ZNF512: variants seen among roughly 807,000 people sequenced by gnomAD.
ZNF512 encodes the protein zinc finger protein 512.
In ZNF512, 25 loss-of-function variants were observed where a neutral mutation model predicts 77.5. That is an observed-to-expected ratio of 0.32 (90% CI 0.23 to 0.45). ZNF512 has a LOEUF of 0.45. Ranked by LOEUF, ZNF512 falls within the 20% of genes least tolerant of loss-of-function variation. ZNF512 has a pLI of 1.00. For synonymous variants in ZNF512, 246 were observed against 239.9 expected (o/e 1.03, Z -0.24); for missense variants, 483 against 692.6 (o/e 0.70, Z 3.40).
chr2:27,593,782 C>CTTT (rs768572545), intron 2 of ZNF512, among the ~76,000 whole-genome samples: 1 of 134,516 alleles, frequency 7.4e-6, no homozygotes, highest in Non-Finnish European at 1.6e-5. Flanking sequence ...TTCTTTCTTT[C>CTTT]TTTTTTTTTT....
At chr2:27,583,629 C>T in intron 1 of ZNF512, 29 bp from the exon 2 acceptor site, 1 of 1,613,618 alleles carries the variant, frequency 6.2e-7, no homozygotes. Context: ...AGGTCCCTAG[C>T]ACTCACTCGT....
intron 9 of ZNF512, among the ~76,000 whole-genome samples, chr2:27,604,067 C>T (rs1006424031): frequency 6.6e-5 from 10 of 152,094 alleles, no homozygotes; most frequent in Admixed American, 2.6e-4. Context: ...GCTGGGATTA[C>T]AGGTGCGTGC....
chr2:27,599,995 G>C lies in ZNF512; in HGVS notation c.399G>C (p.Gln133His), dbSNP rs1400027842. The C allele has an allele frequency of 6.2e-7, 1 of 1,614,190 alleles. No homozygotes were observed. The highest frequency in any genetic ancestry group is 1.3e-5 in the African/African-American group (1 of 75,038). ...LYGRKQRPKTQPNPKSQARRI... is the reference protein window; with the variant it reads ...LYGRKQRPKTHPNPKSQARRI... ...GGAGGAAGCAACGGCCTAAAACTCAGCCCAATCCCAAATCCCAGGCCCGTC... is the reference window on the plus strand; with the variant it reads ...GGAGGAAGCAACGGCCTAAAACTCACCCCAATCCCAAATCCCAGGCCCGTC... Residue 133 changes from glutamine to histidine, a missense_variant, in exon 5 of 14, where the codon CAG becomes CAC. This residue lies in a region of ZNF512 where 159 missense variants were observed against 167.5 expected (regional missense o/e 0.95). Transcript: ENST00000355467.
chr2:27,583,270 A>G (rs1671191936), intron 1 of ZNF512, 128 bp downstream of exon 1: 2 of 1,423,576 alleles, frequency 1.4e-6, no homozygotes, highest in Admixed American at 3.4e-5. Context: ...ACCCTTCTAG[A>G]TCAGATCACC....
chr2:27,600,670 GTTTC>G lies in ZNF512; in HGVS notation c.458-15_458-12del. On this transcript the variant is annotated splice_polypyrimidine_tract_variant and intron_variant, in intron 5 of 13. Coordinates refer to ENST00000355467, the MANE Select transcript of ZNF512 (RefSeq NM_032434.4). The stretch of plus-strand genomic sequence containing the variant: ...TGGAGAATACTGCAGATTACAAAGT[GTTTC>G]TTTCTCTCCTTTGTAGGCAGTTTGG... 1 of 1,607,670 alleles carries G rather than the reference GTTTC, an allele frequency of 6.2e-7. No individual in the cohort carries two copies. The highest frequency in any genetic ancestry group is 8.5e-7 in the Non-Finnish European group (1 of 1,177,972).
At chr2:27,603,926 T>A (rs866239933) in intron 9 of ZNF512, among the ~76,000 whole-genome samples, 3 of 149,744 alleles carry the variant, frequency 2.0e-5, no homozygotes, top group East Asian at 4.0e-4. Context: ...TTAATTAATT[T>A]ATGTATTTAT....
rs190869060 is a variant in ZNF512 at position 27,622,082 on chromosome 2, T to A, written c.*621T>A. On this transcript the variant is annotated 3_prime_UTR_variant, in exon 14 of 14. Transcript: ENST00000355467. ...ACCCTATGCTGTTTATACTGGGAAA[T>A]GCTTTGTACCAAGTAGCAGTGACTA... is the stretch of plus-strand genomic sequence containing the variant. 6 of 152,764 alleles carry A rather than the reference T, an allele frequency of 3.9e-5. No individual in the cohort carries two copies. The highest frequency in any genetic ancestry group is 1.3e-4 in the Admixed American group (2 of 15,334). 9.5% of individuals were successfully genotyped at this position (152,764 alleles called of 1,614,324 possible).
intron 10 of ZNF512, among the ~76,000 whole-genome samples, chr2:27,610,494 G>GTATATGTGTATA (rs1672573457): frequency 8.4e-6 from 1 of 118,426 alleles, no homozygotes; most frequent in Admixed American, 8.7e-5. Context: ...ATATATATGT[G>GTATATGTGTATA]TATATGTGTA....
rs1178827773 is a variant in ZNF512 at position 27,594,213 on chromosome 2, C to T, written c.90-3854C>T. 8.3e-5 allele frequency among the ~76,000 whole-genome samples: 12 copies of T among 144,304 alleles called. No homozygotes were observed. The East Asian group carries it at 8.5e-4, about 10-fold the overall frequency. The allele number at this position is 144,304 out of a possible 152,430, so 94.7% of individuals were successfully genotyped here. A position where few individuals can be genotyped will look rare whatever the true frequency, so the allele number is the denominator to read the frequency against. On this transcript the variant is annotated intron_variant, in intron 2 of 13. Coordinates refer to ENST00000355467, the MANE Select transcript of ZNF512 (RefSeq NM_032434.4). ...CCAGGCAGAGGCACTCCTCACCTCC[C>T]GGACAGGGCGGCCGGGCAGAGGCGC...
At position 27,622,859 on chromosome 2, in the gene ZNF512, A is replaced by G. The variant is rs983308205; in HGVS notation, c.*1398A>G. ...TAAAATGTGGGCTTTTGTGAAGACC[A>G]CTTTCAAACAAGGGAGCACTGAAAC... On this transcript the variant is annotated 3_prime_UTR_variant, in exon 14 of 14. Transcript: ENST00000355467. 6.5e-6 allele frequency: 1 copy of G among 152,844 alleles called. No homozygotes were observed. The highest frequency in any genetic ancestry group is 2.4e-5 in the African/African-American group (1 of 41,464). 9.5% of individuals were successfully genotyped at this position (152,844 alleles called of 1,614,324 possible).
intron 9 of ZNF512, 46 bp from the exon 10 acceptor site, chr2:27,607,799 G>A (rs1408731287): frequency 1.3e-6 from 2 of 1,593,050 alleles, no homozygotes; most frequent in Admixed American, 3.4e-5. Context: ...GGCTGTGATG[G>A]ATGCCACTTA....
At chr2:27,616,393 G>T in intron 12 of ZNF512, 69 bp downstream of exon 12, 2 of 1,249,436 alleles carry the variant, frequency 1.6e-6, no homozygotes, top group Non-Finnish European at 2.3e-6. Flanking sequence ...AGAGAATTCA[G>T]TTTAGGTGAA....
Position 27,602,533 on chromosome 2 carries a change from G to T in ZNF512, c.740G>T (p.Arg247Ile). ...GAAAGGCTCCGAACAGTTCTAAAGA[G>T]ACTGGGAAAGCTCAGGTGCATGCGT... is the stretch of plus-strand genomic sequence containing the variant. The part of the protein sequence containing the change: ...ERERLRTVLK[R>I]LGKLRCMRES... The change falls in exon 8 of 14, where the codon AGA (arginine) becomes ATA (isoleucine). Residue 247 changes from arginine to isoleucine, a missense_variant. Around this residue, in one of 2 missense-constraint regions of ZNF512, gnomAD observed 324 missense variants for 525.0 expected, o/e 0.62. Transcript: ENST00000355467. The T allele has an allele frequency of 6.2e-7, 1 of 1,613,596 alleles. No individual in the cohort carries two copies. Among genetic ancestry groups the T allele is most frequent in the Non-Finnish European group, 8.5e-7 (1 of 1,179,808 alleles).
chr2:27,590,756 C>T (rs1296500783), intron 2 of ZNF512, among the ~76,000 whole-genome samples: 3 of 151,988 alleles, frequency 2.0e-5, no homozygotes, highest in Non-Finnish European at 4.4e-5. Flanking sequence ...CTGAAGTGAT[C>T]CTCCCACCTC....
At chr2:27,584,026 C>G (rs1168034310) in intron 2 of ZNF512, among the ~76,000 whole-genome samples, 1 of 152,084 alleles carries the variant, frequency 6.6e-6, no homozygotes, top group Non-Finnish European at 1.5e-5. Context: ...TAGCCCCGTA[C>G]GCCTTTTGAG....
chr2:27,599,244 AG>A (rs1187191363), intron 3 of ZNF512, among the ~76,000 whole-genome samples: 1 of 152,182 alleles, frequency 6.6e-6, no homozygotes, highest in East Asian at 1.9e-4. Context: ...CACAATCTCA[AG>A]GGTCCTTGGT....
In ZNF512 at chr2:27,616,246, T is replaced by C; in HGVS notation, c.1234-16T>C. The C allele has an allele frequency of 6.2e-7, 1 of 1,610,162 alleles. No homozygotes were observed. The highest frequency in any genetic ancestry group is 8.5e-7 in the Non-Finnish European group (1 of 1,176,428). ...CTATTTGGCATAGTCTTCATACTAT[T>C]TCTTCTCTTTTGCAGGGCTGTGAGG... On this transcript the variant is annotated splice_polypyrimidine_tract_variant and intron_variant, in intron 11 of 13. Transcript: ENST00000355467.
Position 27,621,485 on chromosome 2 carries a change from A to G in ZNF512, c.*24A>G. ...AGGCAGTCAGTGTAAAAGTGCTCCTAGGAAAGCAGATGTGATGCTGTTGTC... is the reference window on the plus strand; with the variant it reads ...AGGCAGTCAGTGTAAAAGTGCTCCTGGGAAAGCAGATGTGATGCTGTTGTC... On this transcript the variant is annotated 3_prime_UTR_variant, in exon 14 of 14. Transcript: ENST00000355467. The G allele has an allele frequency of 6.3e-7, 1 of 1,583,950 alleles. No individual in the cohort carries two copies. Among genetic ancestry groups the G allele is most frequent in the Non-Finnish European group, 8.5e-7 (1 of 1,170,200 alleles).
intron 2 of ZNF512, among the ~76,000 whole-genome samples, chr2:27,587,419 G>A (rs749084757): frequency 1.4e-4 from 21 of 151,568 alleles, no homozygotes; most frequent in Non-Finnish European, 2.4e-4. Flanking sequence ...TGGGATTACC[G>A]GTGTGCATCA....
Sources: allele counts gnomAD v4.1 joint callset (sites outside exome capture counted in the v4.1 genomes callset), GRCh38; gene constraint gnomAD v4.1.1; regional missense constraint gnomAD v4.1.1; transcripts MANE v1.5; gene names NCBI Gene and HGNC (gene_info 2026-07-23, HGNC 2026-07-21).